LRRC4C: variants seen among roughly 807,000 people sequenced by gnomAD.
The protein encoded by LRRC4C is leucine-rich repeat-containing protein 4C.
In LRRC4C, 5 loss-of-function variants were observed where a neutral mutation model predicts 33.6. That is an observed-to-expected ratio of 0.15 (90% CI 0.08 to 0.31). The LOEUF is 0.31. Ranked by LOEUF, LRRC4C falls within the 10% of genes least tolerant of loss-of-function variation. LRRC4C has a pLI of 1.00. For synonymous variants in LRRC4C, 329 were observed against 302.0 expected, an observed-to-expected ratio of 1.09 and a Z score of -0.93; for missense variants, 560 against 796.7, an observed-to-expected ratio of 0.70 and a Z score of 3.58.
intron 1 of LRRC4C, among the ~76,000 whole-genome samples, chr11:40,943,246 C>T (rs190401603): frequency 6.6e-6 from 1 of 152,164 alleles, no homozygotes; most frequent in East Asian, 1.9e-4. Flanking sequence ...TTTGTTCTCA[C>T]AGCATCTCTG....
chr11:40,413,045 A>G (rs549112233), intron 3 of LRRC4C, among the ~76,000 whole-genome samples: 1 of 152,190 alleles, frequency 6.6e-6, no homozygotes, highest in African/African-American at 2.4e-5. Flanking sequence ...TCAGAGGCCT[A>G]TTTATTTAGG....
chr11:40,613,403 A>G (rs1961434708), intron 3 of LRRC4C, among the ~76,000 whole-genome samples: 1 of 151,850 alleles, frequency 6.6e-6, no homozygotes, highest in African/African-American at 2.4e-5. Context: ...TATCCATAAA[A>G]TGTAACTCCT....
chr11:41,400,033 G>A (rs941296369), intron 1 of LRRC4C, among the ~76,000 whole-genome samples: 5 of 152,062 alleles, frequency 3.3e-5, no homozygotes, highest in African/African-American at 1.2e-4. Context: ...TTGTTACACA[G>A]TGAATGTCAA....
At chr11:40,632,635 T>A (rs540711917) in intron 3 of LRRC4C, among the ~76,000 whole-genome samples, 25 of 152,180 alleles carry the variant, frequency 1.6e-4, no homozygotes, top group Non-Finnish European at 2.8e-4. Flanking sequence ...ACTTATGTAA[T>A]CTTAGGGAAC....
intron 3 of LRRC4C, among the ~76,000 whole-genome samples, chr11:40,527,194 G>A (rs1423944102): frequency 6.6e-6 from 1 of 152,124 alleles, no homozygotes; most frequent in Non-Finnish European, 1.5e-5. Context: ...CAATCTGGGA[G>A]CACGGACAAA....
At chr11:41,338,032 A>G (rs1434769848) in intron 1 of LRRC4C, among the ~76,000 whole-genome samples, 2 of 152,224 alleles carry the variant, frequency 1.3e-5, no homozygotes, top group African/African-American at 4.8e-5. Context: ...ACATGAAGAA[A>G]CAACAGATGC....
intron 2 of LRRC4C, among the ~76,000 whole-genome samples, chr11:40,729,905 A>G (rs1241872574): frequency 6.6e-6 from 1 of 152,134 alleles, no homozygotes; most frequent in Non-Finnish European, 1.5e-5. Flanking sequence ...TCAAATATAC[A>G]CCATGGAATA....
intron 1 of LRRC4C, among the ~76,000 whole-genome samples, chr11:41,330,861 A>C (rs1469318309): frequency 6.6e-6 from 1 of 152,148 alleles, no homozygotes; most frequent in African/African-American, 2.4e-5. Context: ...TATATACATT[A>C]GTCTCCAAAC....
intron 3 of LRRC4C, among the ~76,000 whole-genome samples, chr11:40,505,233 G>A (rs979762553): frequency 5.9e-5 from 9 of 152,080 alleles, no homozygotes; most frequent in African/African-American, 1.9e-4. Context: ...CCCTGGGTGG[G>A]TATGGCTTAT....
chr11:41,308,282 G>T (rs1950556737), intron 1 of LRRC4C, among the ~76,000 whole-genome samples: 1 of 151,668 alleles, frequency 6.6e-6, no homozygotes, highest in Non-Finnish European at 1.5e-5. Context: ...CATTCTGGGG[G>T]CTTATGAATA....
intron 1 of LRRC4C, among the ~76,000 whole-genome samples, chr11:41,090,670 A>C (rs932128046): frequency 2.0e-5 from 3 of 151,932 alleles, no homozygotes; most frequent in African/African-American, 7.3e-5. Flanking sequence ...CATAATCCCC[A>C]CATGTTGAAG....
intron 1 of LRRC4C, among the ~76,000 whole-genome samples, chr11:41,400,803 C>T (rs1419145644): frequency 1.3e-5 from 2 of 151,854 alleles, no homozygotes; most frequent in African/African-American, 4.8e-5. Flanking sequence ...AAACGTGCAT[C>T]AGTGAGTGCT....
intron 3 of LRRC4C, among the ~76,000 whole-genome samples, chr11:40,377,427 G>T (rs1948703793): frequency 6.6e-6 from 1 of 152,086 alleles, no homozygotes; most frequent in Non-Finnish European, 1.5e-5. Flanking sequence ...ACGCATGTGT[G>T]GGTTACTTGC....
chr11:41,174,362 G>T (rs567337288), intron 1 of LRRC4C, among the ~76,000 whole-genome samples: 1 of 152,132 alleles, frequency 6.6e-6, no homozygotes, highest in African/African-American at 2.4e-5. Context: ...AGATGCAAAT[G>T]CCTCCTCTTG....
chr11:41,235,344 G>A (rs10768673), intron 1 of LRRC4C, among the ~76,000 whole-genome samples: 38,257 of 151,758 alleles, frequency 0.25, 5,543 homozygotes, highest in East Asian at 0.44. Flanking sequence ...TTCCATTTGC[G>A]TAGTTACTTT....
Position 40,645,473 on chromosome 11 carries a change from G to A in LRRC4C, c.-270+2669C>T, listed in dbSNP as rs1000893808. Among the ~76,000 whole-genome samples, 3 of 152,212 alleles carry A rather than the reference G, an allele frequency of 2.0e-5. No homozygotes were observed. The South Asian group carries it at 6.2e-4, about 31-fold the overall frequency. The stretch of plus-strand genomic sequence containing the variant: ...CCCTGTTTGCCAATACAGGGATACA[G>A]AGGGAGAATAGAAGCTTGAGAGGGA... On this transcript the variant is annotated intron_variant, in intron 3 of 6. Coordinates refer to ENST00000528697, the MANE Select transcript of LRRC4C (RefSeq NM_001258419.2).
At chr11:41,129,543 TG>T (rs1191442460) in intron 1 of LRRC4C, among the ~76,000 whole-genome samples, 26 of 152,164 alleles carry the variant, frequency 1.7e-4, no homozygotes, top group East Asian at 7.7e-4. Flanking sequence ...ACTAATAGAA[TG>T]TTTTTTTCAA....
chr11:40,530,715 T>C lies in LRRC4C; in HGVS notation c.-270+117427A>G, dbSNP rs1956238754. 2.6e-5 allele frequency among the ~76,000 whole-genome samples: 4 copies of C among 152,220 alleles called. No homozygotes were observed. In the South Asian group the frequency reaches 8.3e-4, roughly 32 times the overall value. On this transcript the variant is annotated intron_variant, in intron 3 of 6. Coordinates refer to ENST00000528697, the MANE Select transcript of LRRC4C (RefSeq NM_001258419.2). ...ATGCTGTGGAAGACACAGCCATGAA[T>C]GAGATAAGGCCCCGTCACAAATAAT...
At chr11:41,054,659 T>G (rs1858486254) in intron 1 of LRRC4C, among the ~76,000 whole-genome samples, 1 of 152,214 alleles carries the variant, frequency 6.6e-6, no homozygotes, top group Admixed American at 6.5e-5. Context: ...GGAAAGCAAC[T>G]TATCTTTTGG....
Sources: gnomAD v4.1 joint callset for allele counts (sites outside exome capture counted in the v4.1 genomes callset) on GRCh38, gnomAD v4.1.1 for gene constraint, MANE v1.5 for transcripts, NCBI Gene and HGNC (gene_info 2026-07-23, HGNC 2026-07-21) for gene names.